The following TUT7 variants were observed in gnomAD, a reference collection of about 807,000 sequenced individuals.
TUT7 encodes terminal uridylyl transferase 7, also known as terminal uridylyltransferase 7.
TUT7 carries 33 observed loss-of-function variants against 165.9 expected under a neutral mutation model. The observed-to-expected ratio is 0.20, with a 90% confidence interval of 0.15 to 0.27. The LOEUF is 0.27. Among genes scored for constraint, TUT7 ranks in the 10% least tolerant of loss-of-function variants. The pLI is 1.00. For synonymous variants in TUT7, 552 were observed against 608.1 expected, an observed-to-expected ratio of 0.91 and a Z score of 1.36; for missense variants, 1,338 against 1,762.3, an observed-to-expected ratio of 0.76 and a Z score of 4.31.
intron 26 of TUT7, among the ~76,000 whole-genome samples, chr9:86,300,041 G>C (rs1243786692): frequency 6.6e-6 from 1 of 152,072 alleles, no homozygotes; most frequent in African/African-American, 2.4e-5. Context: ...ATGAATGTTA[G>C]CAACTATTAT....
intron 21 of TUT7, among the ~76,000 whole-genome samples, 175 bp downstream of exon 21, chr9:86,309,037 T>C (rs568007482): frequency 6.6e-6 from 1 of 152,198 alleles, no homozygotes; most frequent in African/African-American, 2.4e-5. Context: ...AGAAATTCAC[T>C]TGGCTTAGTA....
At chr9:86,290,859 C>CA (rs1475941713) in intron 26 of TUT7, among the ~76,000 whole-genome samples, 1 of 150,050 alleles carries the variant, frequency 6.7e-6, no homozygotes, top group Non-Finnish European at 1.5e-5. Context: ...GACTCCATCT[C>CA]AAAAAAGAAA....
chr9:86,328,521 A>T (rs1587956160), intron 10 of TUT7, 29 bp from the exon 11 acceptor site: 1 of 1,579,322 alleles, frequency 6.3e-7, no homozygotes, highest in Non-Finnish European at 8.6e-7. Context: ...ATGCTAAAAT[A>T]AGATAGAAAT....
intron 26 of TUT7, among the ~76,000 whole-genome samples, chr9:86,294,312 G>A (rs1344306676): frequency 6.7e-6 from 1 of 148,964 alleles, no homozygotes; most frequent in East Asian, 2.0e-4. Context: ...GAAGAGGAGA[G>A]GCAAACAAAA....
At chr9:86,330,650 T>A (rs1830234211) in intron 10 of TUT7, among the ~76,000 whole-genome samples, 1 of 152,214 alleles carries the variant, frequency 6.6e-6, no homozygotes, top group East Asian at 1.9e-4. Flanking sequence ...TGTTAAGAAA[T>A]CCTTTCTGCA....
chr9:86,352,222 C>T (rs1049968550), intron 2 of TUT7, among the ~76,000 whole-genome samples: 4 of 152,082 alleles, frequency 2.6e-5, no homozygotes, highest in Non-Finnish European at 4.4e-5. Flanking sequence ...GAGATATACG[C>T]AGTGTATACT....
chr9:86,337,587 T>C, intron 9 of TUT7, 49 bp from the exon 10 acceptor site: 5 of 1,569,576 alleles, frequency 3.2e-6, no homozygotes, highest in Non-Finnish European at 4.3e-6. Context: ...TATGAATTTG[T>C]CATTTACACG....
chr9:86,305,021 T>A, intron 23 of TUT7, 74 bp from the exon 24 acceptor site: 1 of 1,256,540 alleles, frequency 8.0e-7, no homozygotes, highest in Non-Finnish European at 1.1e-6. Context: ...ACAAACTACC[T>A]GGGCCTGGTG....
At chr9:86,342,915 G>A (rs1588003200) in intron 6 of TUT7, among the ~76,000 whole-genome samples, 160 bp downstream of exon 6, 1 of 151,728 alleles carries the variant, frequency 6.6e-6, no homozygotes, top group Admixed American at 6.6e-5. Context: ...AAAATTTGCA[G>A]AGTATTAAAA....
At chr9:86,294,274 C>CAAAAAAA (rs11338696) in intron 26 of TUT7, among the ~76,000 whole-genome samples, 1 of 96,842 alleles carries the variant, frequency 1.0e-5, no homozygotes, top group Non-Finnish European at 2.0e-5. Context: ...TGCCATGAGG[C>CAAAAAAA]AAAAAAAAAA....
intron 17 of TUT7, among the ~76,000 whole-genome samples, chr9:86,314,323 CTCTTT>C (rs1460702118): frequency 2.0e-5 from 3 of 152,180 alleles, no homozygotes; most frequent in African/African-American, 4.8e-5. Flanking sequence ...CCTTTTCAGT[CTCTTT>C]TCTTAATTTC....
At chr9:86,322,757 C>T in intron 13 of TUT7, 116 bp downstream of exon 13, 1 of 1,238,432 alleles carries the variant, frequency 8.1e-7, no homozygotes, top group Non-Finnish European at 1.1e-6. Flanking sequence ...GAATGAAAGG[C>T]CAACTTGTTC....
At chr9:86,336,635 A>G (rs977137649) in intron 10 of TUT7, among the ~76,000 whole-genome samples, 1 of 152,202 alleles carries the variant, frequency 6.6e-6, no homozygotes, top group Non-Finnish European at 1.5e-5. Context: ...TGCATTAAGA[A>G]AAGTAGTTAC....
In TUT7 at chr9:86,288,759, G is replaced by T; in HGVS notation, c.4421-15C>A. ...GGAAAGGCTACCTAGAGGAGGGGAA[G>T]AAACAAAACCCAATATAAATGAAAC... On this transcript the variant is annotated splice_polypyrimidine_tract_variant and intron_variant, in intron 26 of 26. Transcript: ENST00000375963. 1 of 1,596,288 alleles carries T rather than the reference G, an allele frequency of 6.3e-7. No individual in the cohort carries two copies. Among genetic ancestry groups the T allele is most frequent in the Non-Finnish European group, 8.6e-7 (1 of 1,168,236 alleles).
intron 9 of TUT7, among the ~76,000 whole-genome samples, chr9:86,337,892 G>A (rs1430955294): frequency 6.6e-6 from 1 of 152,122 alleles, no homozygotes; most frequent in Non-Finnish European, 1.5e-5. Context: ...TACACATTAA[G>A]CCAGTTCAAT....
chr9:86,325,035 C>T (rs1388000330), intron 12 of TUT7, among the ~76,000 whole-genome samples: 2 of 152,152 alleles, frequency 1.3e-5, no homozygotes, highest in African/African-American at 4.8e-5. Context: ...GGGGGATTTA[C>T]ACATCACTGT....
In TUT7 at chr9:86,319,799, T is replaced by TAGGAG. The variant is rs1439864015; in HGVS notation, c.3029-130_3029-129insCTCCT. ...ATTTAAAAATTCCTAAATCATTGTG[T>TAGGAG]CTTCTCAGTAGATAGCATTAACAAG... On this transcript the variant is annotated intron_variant, in intron 14 of 26. Transcript: ENST00000375963. The TAGGAG allele has an allele frequency of 1.3e-4, 85 of 670,304 alleles. No individual in the cohort carries two copies. In the African/African-American group the frequency reaches 1.5e-3, roughly 12 times the overall value. The allele number at this position is 670,304 out of a possible 1,614,324, so 41.5% of individuals were successfully genotyped here. A position where few individuals can be genotyped will look rare whatever the true frequency, so the allele number is the denominator to read the frequency against.
At chr9:86,351,715 T>C (rs1481953818) in intron 2 of TUT7, among the ~76,000 whole-genome samples, 1 of 152,174 alleles carries the variant, frequency 6.6e-6, no homozygotes, top group Non-Finnish European at 1.5e-5. Context: ...ATCTAGAAAG[T>C]GTCCATATTC....
rs1827385223 is a variant in TUT7, at chr9:86,305,519, TATTTAA to T, written c.3839-286_3839-281del. On this transcript the variant is annotated intron_variant, in intron 22 of 26. Coordinates refer to ENST00000375963, the MANE Select transcript of TUT7 (RefSeq NM_024617.4). ...CATCAGAATAGAGTGTACTACTTTA[TATTTAA>T]ATCATTATAAAGCTCTTTATGTTAT... Among the ~76,000 whole-genome samples, 3 of 152,354 alleles carry T rather than the reference TATTTAA, an allele frequency of 2.0e-5. No individual in the cohort carries two copies. The South Asian group carries it at 6.2e-4, about 32-fold the overall frequency.
Sources: gnomAD v4.1 joint callset for allele counts (sites outside exome capture counted in the v4.1 genomes callset) on GRCh38, gnomAD v4.1.1 for gene constraint, MANE v1.5 for transcripts, NCBI Gene and HGNC (gene_info 2026-07-23, HGNC 2026-07-21) for gene names.